ANKRD34C: variants seen among roughly 807,000 people sequenced by gnomAD.
ANKRD34C encodes the protein ankyrin repeat domain 34C, also known as ankyrin repeat domain-containing protein 34C.
For synonymous variants in ANKRD34C, 260 were observed against 253.6 expected (o/e 1.03, Z -0.24); for missense variants, 563 against 653.0 (o/e 0.86, Z 1.50).
At position 79,296,429 on chromosome 15, in the gene ANKRD34C, G is replaced by A. The variant is rs2058672537; in HGVS notation, c.*1537G>A. 6.0e-6 allele frequency: 1 copy of A among 167,112 alleles called. No individual in the cohort carries two copies. Among genetic ancestry groups the A allele is most frequent in the African/African-American group, 2.4e-5 (1 of 41,478 alleles). 10.4% of individuals were successfully genotyped at this position (167,112 alleles called of 1,614,324 possible). On this transcript the variant is annotated 3_prime_UTR_variant, in exon 2 of 2. Coordinates refer to ENST00000421388, the MANE Select transcript of ANKRD34C (RefSeq NM_001146341.2). ...TAATTTTAATGTATTTCTTGAGACT[G>A]CTGAAGCAATATCTCAAATAATACA...
At chr15:79,289,083 G>A (rs1446838883) in intron 1 of ANKRD34C, among the ~76,000 whole-genome samples, 7 of 152,158 alleles carry the variant, frequency 4.6e-5, no homozygotes, top group African/African-American at 1.4e-4. Context: ...GCCTCCCAAA[G>A]TGCTGGGATT....
At position 79,294,613 on chromosome 15, in the gene ANKRD34C, A is replaced by G; in HGVS notation, c.1329A>G (p.Glu443=). ...GCCGCAGGCCGCCACATCTTCTAGAACGACGAGGTTCTGGAACTCTGCTCC... is the reference window on the plus strand; with the variant it reads ...GCCGCAGGCCGCCACATCTTCTAGAGCGACGAGGTTCTGGAACTCTGCTCC... ...SARRRPPHLL[E]RRGSGTLLLD... The change falls in exon 2 of 2, where the codon GAA becomes GAG. Residue 443 remains glutamate, a synonymous_variant. Coordinates refer to ENST00000421388, the MANE Select transcript of ANKRD34C (RefSeq NM_001146341.2). 1 of 1,551,718 alleles carries G rather than the reference A, an allele frequency of 6.4e-7. No individual in the cohort carries two copies.
intron 1 of ANKRD34C, among the ~76,000 whole-genome samples, chr15:79,289,656 A>G (rs1214642978): frequency 6.6e-6 from 1 of 152,164 alleles, no homozygotes; most frequent in Admixed American, 6.5e-5. Context: ...CCGATTATCC[A>G]TCCACCCTCC....
chr15:79,290,096 C>G (rs1362077534), intron 1 of ANKRD34C, among the ~76,000 whole-genome samples: 1 of 151,872 alleles, frequency 6.6e-6, no homozygotes, highest in Non-Finnish European at 1.5e-5. Flanking sequence ...GTGATCATAG[C>G]TCACTGCAGC....
intron 1 of ANKRD34C, among the ~76,000 whole-genome samples, chr15:79,289,396 A>G (rs1400068655): frequency 6.6e-6 from 1 of 152,222 alleles, no homozygotes; most frequent in Admixed American, 6.5e-5. Context: ...AAGAACCTGT[A>G]TGCCTTATCT....
Position 79,296,998 on chromosome 15 carries a change from G to A in ANKRD34C, c.*2106G>A, listed in dbSNP as rs2058673899. 6.0e-6 allele frequency: 1 copy of A among 167,074 alleles called. No individual in the cohort carries two copies. Among genetic ancestry groups the A allele is most frequent in the Admixed American group, 6.5e-5 (1 of 15,278 alleles). The allele number at this position is 167,074 out of a possible 1,614,324, so 10.3% of individuals were successfully genotyped here. A position where few individuals can be genotyped will look rare whatever the true frequency, so the allele number is the denominator to read the frequency against. ...CTAGTGTTGGGCCTTCAGGATTCTT[G>A]GCAAACACACTCCAACATGTGTGCT... On this transcript the variant is annotated 3_prime_UTR_variant, in exon 2 of 2. Transcript: ENST00000421388.
intron 1 of ANKRD34C, among the ~76,000 whole-genome samples, chr15:79,285,387 A>C (rs2058640629): frequency 6.6e-6 from 1 of 152,204 alleles, no homozygotes; most frequent in African/African-American, 2.4e-5. Context: ...GACTTGAAGA[A>C]GGGGAAATAA....
In ANKRD34C at chr15:79,293,325, C is replaced by T; in HGVS notation, c.41C>T (p.Ser14Phe). Residue 14 changes from serine to phenylalanine, a missense_variant, in exon 2 of 2, where the codon TCT becomes TTT. Transcript: ENST00000421388. ...ACTGAATTAAGGACTGATGGAAACT[C>T]TTTGTTAAAGGCTGTGTGGCTGGGG... ...DDTELRTDGNSLLKAVWLGRL... is the reference protein window; with the variant it reads ...DDTELRTDGNFLLKAVWLGRL... The T allele has an allele frequency of 6.5e-7, 1 of 1,544,950 alleles. No individual in the cohort carries two copies. The highest frequency in any genetic ancestry group is 8.7e-7 in the Non-Finnish European group (1 of 1,143,900).
Position 79,282,932 on chromosome 15 carries a change from C to T in ANKRD34C, c.-341C>T, listed in dbSNP as rs2058632359. Reference sequence around the variant, plus strand: ...AAACCAAACCAAACCAAACCAAACCCAAAACTCCCCTGCTCCCACCGCAAC... The same window carrying T: ...AAACCAAACCAAACCAAACCAAACCTAAAACTCCCCTGCTCCCACCGCAAC... On this transcript the variant is annotated 5_prime_UTR_variant, in exon 1 of 2. Coordinates refer to ENST00000421388, the MANE Select transcript of ANKRD34C (RefSeq NM_001146341.2). Among the ~76,000 whole-genome samples the T allele has an allele frequency of 6.6e-6, 1 of 152,150 alleles. No individual in the cohort carries two copies. Among genetic ancestry groups the T allele is most frequent in the African/African-American group, 2.4e-5 (1 of 41,436 alleles).
At chr15:79,287,807 T>C (rs996953963) in intron 1 of ANKRD34C, among the ~76,000 whole-genome samples, 1 of 152,242 alleles carries the variant, frequency 6.6e-6, no homozygotes, top group Non-Finnish European at 1.5e-5. Context: ...TTCTTCTTCC[T>C]CTGCACGTCA....
In ANKRD34C at chr15:79,297,258, TACACACACGCAAA is replaced by T. The variant is rs1024669033; in HGVS notation, c.*2367_*2379del. 1.3e-4 allele frequency: 22 copies of T among 167,010 alleles called. No individual in the cohort carries two copies. In the Admixed American group the frequency reaches 1.4e-3, roughly 11 times the overall value. The allele number at this position is 167,010 out of a possible 1,614,324, so 10.3% of individuals were successfully genotyped here. ...TTCTCAGCAGCTCATTAAATGCAAA[TACACACACGCAAA>T]GAGAGAGAGAGAACACATTTTACAT... On this transcript the variant is annotated 3_prime_UTR_variant, in exon 2 of 2. Coordinates refer to ENST00000421388, the MANE Select transcript of ANKRD34C (RefSeq NM_001146341.2).
At chr15:79,290,445 G>T (rs1017892083) in intron 1 of ANKRD34C, among the ~76,000 whole-genome samples, 52 of 152,148 alleles carry the variant, frequency 3.4e-4, no homozygotes, top group African/African-American at 1.2e-3. Context: ...GGCCCTGGGT[G>T]TTTCTTCCAC....
intron 1 of ANKRD34C, among the ~76,000 whole-genome samples, chr15:79,290,623 C>T (rs11854854): frequency 0.26 from 39,151 of 152,092 alleles, 5,243 homozygotes; most frequent in East Asian, 0.44. Flanking sequence ...CTTCTTTACA[C>T]AGCAGCTGGG....
In ANKRD34C at chr15:79,295,233, A is replaced by C; in HGVS notation, c.*341A>C. On this transcript the variant is annotated 3_prime_UTR_variant, in exon 2 of 2. Coordinates refer to ENST00000421388, the MANE Select transcript of ANKRD34C (RefSeq NM_001146341.2). Reference sequence around the variant, plus strand: ...ATTTAAATCAGGAGGTAGTATTTGGAGTATGTCATTTGTAATAAATCTATA... The same window carrying C: ...ATTTAAATCAGGAGGTAGTATTTGGCGTATGTCATTTGTAATAAATCTATA... 1 of 227,160 alleles carries C rather than the reference A, an allele frequency of 4.4e-6. No homozygotes were observed. Among genetic ancestry groups the C allele is most frequent in the Non-Finnish European group, 9.4e-6 (1 of 106,792 alleles). The allele number at this position is 227,160 out of a possible 1,614,324, so 14.1% of individuals were successfully genotyped here.
At position 79,294,601 on chromosome 15, in the gene ANKRD34C, A is replaced by G. The variant is rs2058667970; in HGVS notation, c.1317A>G (p.Pro439=). Reference sequence around the variant, plus strand: ...CCAGCTCAGCACGCCGCAGGCCGCCACATCTTCTAGAACGACGAGGTTCTG... The same window carrying G: ...CCAGCTCAGCACGCCGCAGGCCGCCGCATCTTCTAGAACGACGAGGTTCTG... The part of the protein sequence containing the change: ...TSPSSARRRP[P]HLLERRGSGT... The change falls in exon 2 of 2, where the codon CCA becomes CCG. Residue 439 remains proline (P), a synonymous_variant. Transcript: ENST00000421388. 7 of 1,551,588 alleles carry G rather than the reference A, an allele frequency of 4.5e-6. No homozygotes were observed. In the African/African-American group the frequency reaches 9.6e-5, roughly 21 times the overall value.
intron 1 of ANKRD34C, among the ~76,000 whole-genome samples, chr15:79,289,708 C>A (rs570939355): frequency 6.6e-6 from 1 of 152,330 alleles, no homozygotes; most frequent in African/African-American, 2.4e-5. Context: ...TTTCCTCCAT[C>A]TTTTCCTTTA....
At chr15:79,286,574 A>T (rs2058645802) in intron 1 of ANKRD34C, among the ~76,000 whole-genome samples, 1 of 152,192 alleles carries the variant, frequency 6.6e-6, no homozygotes, top group African/African-American at 2.4e-5. Flanking sequence ...GGTAAATTAG[A>T]TTTTGGTTGA....
Position 79,297,644 on chromosome 15 carries a change from A to C in ANKRD34C, c.*2752A>C, listed in dbSNP as rs962237726. 2 of 167,120 alleles carry C rather than the reference A, an allele frequency of 1.2e-5. No homozygotes were observed. The highest frequency in any genetic ancestry group is 2.9e-5 in the Non-Finnish European group (2 of 68,130). The allele number at this position is 167,120 out of a possible 1,614,324, so 10.4% of individuals were successfully genotyped here. A position where few individuals can be genotyped will look rare whatever the true frequency, so the allele number is the denominator to read the frequency against. ...TATCTTATCTCATCACTACTTGACG[A>C]TGAGTTCGCCGAATTAGACTGTTCT... On this transcript the variant is annotated 3_prime_UTR_variant, in exon 2 of 2. Transcript: ENST00000421388.
In ANKRD34C at chr15:79,287,822, T is replaced by G. The variant is rs375703959; in HGVS notation, c.-45+4594T>G. On this transcript the variant is annotated intron_variant, in intron 1 of 1. Coordinates refer to ENST00000421388, the MANE Select transcript of ANKRD34C (RefSeq NM_001146341.2). ...TTCTTCTTCCTCTGCACGTCACCTT[T>G]TCTGCTTCTGTGCACTTATGGCTAA... 2.6e-5 allele frequency among the ~76,000 whole-genome samples: 4 copies of G among 152,358 alleles called. No individual in the cohort carries two copies. In the South Asian group the frequency reaches 8.3e-4, roughly 32 times the overall value.
Sources: gnomAD v4.1 joint callset for allele counts (sites outside exome capture counted in the v4.1 genomes callset) on GRCh38, gnomAD v4.1.1 for gene constraint, MANE v1.5 for transcripts, NCBI Gene and HGNC (gene_info 2026-07-23, HGNC 2026-07-21) for gene names.